The following PLCB1 variants were observed in gnomAD, a reference collection of about 807,000 sequenced individuals.
The protein encoded by PLCB1 is 1-phosphatidylinositol 4,5-bisphosphate phosphodiesterase beta-1.
Under a neutral mutation model 161.8 loss-of-function variants are expected in PLCB1, and 46 were observed. The ratio of observed to expected loss-of-function variants is 0.28; its 90% CI spans 0.22 to 0.36. The LOEUF is 0.36. PLCB1 is among the 10% of genes least tolerant of loss of function. The pLI is 1.00. For missense variants in PLCB1, 1,016 were observed against 1,472.5 expected, an observed-to-expected ratio of 0.69 and a Z score of 5.07; for synonymous variants, 517 against 503.7, an observed-to-expected ratio of 1.03 and a Z score of -0.35.
At chr20:8,539,641 T>TTTCTTTCTTTCTTTCC (rs1985208902) in intron 3 of PLCB1, among the ~76,000 whole-genome samples, 4 of 51,150 alleles carry the variant, frequency 7.8e-5, no homozygotes, top group African/African-American at 2.6e-4. Context: ...TCTTTCTTTC[T>TTTCTTTCTTTCTTTCC]TTCTTTCTTT....
intron 2 of PLCB1, among the ~76,000 whole-genome samples, chr20:8,231,971 G>C (rs904486600): frequency 2.6e-4 from 39 of 152,096 alleles, no homozygotes; most frequent in African/African-American, 8.0e-4. Flanking sequence ...TTTTAGCTAT[G>C]GGTCAGAGTC....
chr20:8,782,543 C>A lies in PLCB1; in HGVS notation c.3112-5906C>A, dbSNP rs557136795. Among the ~76,000 whole-genome samples the A allele has an allele frequency of 2.6e-5, 4 of 152,224 alleles. No individual in the cohort carries two copies. In the East Asian group the frequency reaches 7.7e-4, roughly 29 times the overall value. On this transcript the variant is annotated intron_variant, in intron 27 of 31. Coordinates refer to ENST00000338037, the MANE Select transcript of PLCB1 (RefSeq NM_015192.4). ...AAGTAGCTGGGACTACAGGCACGCA[C>A]CACCATGCCCAGCTAATTTTCTCTA...
chr20:8,546,990 T>C (rs1397741099), intron 3 of PLCB1, among the ~76,000 whole-genome samples: 4 of 152,178 alleles, frequency 2.6e-5, no homozygotes, highest in Non-Finnish European at 4.4e-5. Flanking sequence ...CGCCTCTTAA[T>C]TGGAAATCAA....
intron 2 of PLCB1, among the ~76,000 whole-genome samples, chr20:8,298,999 T>C (rs962289601): frequency 9.8e-5 from 3 of 30,468 alleles, no homozygotes; most frequent in Non-Finnish European, 1.6e-4. Context: ...AACCAACTTA[T>C]AGGTAGGTAG....
intron 11 of PLCB1, among the ~76,000 whole-genome samples, chr20:8,706,817 G>T (rs2057144): frequency 0.98 from 148,528 of 152,272 alleles, 72,472 homozygotes; most frequent in East Asian, 1. Context: ...ATCAAGAATA[G>T]ATAACCATCA....
chr20:8,203,077 G>A (rs1382444483), intron 2 of PLCB1, among the ~76,000 whole-genome samples: 2 of 146,800 alleles, frequency 1.4e-5, no homozygotes, highest in Non-Finnish European at 3.0e-5. Flanking sequence ...AGTCATTCTG[G>A]GTTGTATGCA....
Position 8,629,951 on chromosome 20 carries a change from TTTTCTTTCTTTCTTCTTTC to T in PLCB1, c.384+1535_384+1553del, listed in dbSNP as rs1351853819. Among the ~76,000 whole-genome samples the T allele has an allele frequency of 2.3e-5, 3 of 131,860 alleles. 1 individual carries two copies. The highest frequency in any genetic ancestry group is 3.4e-5 in the African/African-American group (1 of 29,580). 86.5% of individuals were successfully genotyped at this position (131,860 alleles called of 152,430 possible). A position where few individuals can be genotyped will look rare whatever the true frequency, so the allele number is the denominator to read the frequency against. ...CTTCTTTCCTTTCTTTCTCTCTTTC[TTTTCTTTCTTTCTTCTTTC>T]TTTCTTTCTTTCTTTCTTTCTTTCT... On this transcript the variant is annotated intron_variant, in intron 4 of 31. Coordinates refer to ENST00000338037, the MANE Select transcript of PLCB1 (RefSeq NM_015192.4).
At chr20:8,812,516 A>C (rs1390915701) in intron 31 of PLCB1, among the ~76,000 whole-genome samples, 1 of 152,194 alleles carries the variant, frequency 6.6e-6, no homozygotes, top group Admixed American at 6.5e-5. Context: ...GCTGGACTCA[A>C]GTAATGAGTG....
intron 3 of PLCB1, among the ~76,000 whole-genome samples, chr20:8,470,282 C>T (rs1464939729): frequency 6.6e-6 from 1 of 152,092 alleles, no homozygotes; most frequent in African/African-American, 2.4e-5. Flanking sequence ...TTGGTATATA[C>T]CCAGGAGTAG....
At chr20:8,259,581 A>G (rs1478575618) in intron 2 of PLCB1, among the ~76,000 whole-genome samples, 1 of 152,024 alleles carries the variant, frequency 6.6e-6, no homozygotes, top group African/African-American at 2.4e-5. Context: ...ACACCACTGC[A>G]CTCCAGTCTG....
chr20:8,864,198 A>C (rs530878369), intron 31 of PLCB1, among the ~76,000 whole-genome samples: 1 of 152,332 alleles, frequency 6.6e-6, no homozygotes, highest in East Asian at 1.9e-4. Context: ...GATGAAGTTA[A>C]GTGGCAGTCG....
At chr20:8,210,524 A>T (rs917229072) in intron 2 of PLCB1, among the ~76,000 whole-genome samples, 1 of 152,104 alleles carries the variant, frequency 6.6e-6, no homozygotes, top group Admixed American at 6.6e-5. Flanking sequence ...TACTTTCTCA[A>T]TTTGGGGCAA....
intron 3 of PLCB1, among the ~76,000 whole-genome samples, chr20:8,463,310 T>C (rs1016272678): frequency 2.6e-5 from 4 of 152,086 alleles, no homozygotes; most frequent in Non-Finnish European, 4.4e-5. Flanking sequence ...CTTAGAGACC[T>C]TCTGTGTACC....
chr20:8,261,537 C>T (rs775051359), intron 2 of PLCB1, among the ~76,000 whole-genome samples: 10 of 152,088 alleles, frequency 6.6e-5, no homozygotes, highest in African/African-American at 1.7e-4. Flanking sequence ...GAAGCTTTAA[C>T]GTGAAATGAA....
intron 23 of PLCB1, among the ~76,000 whole-genome samples, chr20:8,752,666 G>T (rs1981541344): frequency 6.6e-6 from 1 of 151,912 alleles, no homozygotes. Flanking sequence ...GGTGGTGCAT[G>T]CCTGTAATTC....
rs115281758 is a variant in PLCB1 at position 8,275,903 on chromosome 20, A to G, written c.178-95479A>G. On this transcript the variant is annotated intron_variant, in intron 2 of 31. Transcript: ENST00000338037. ...ATCTTTTGTCAGTGTCAAGGGTATT[A>G]TATTTTTTCCTTTTTTTTTTTCATC... Among the ~76,000 whole-genome samples the G allele has an allele frequency of 6.0e-3, 908 of 151,524 alleles. 10 individuals are homozygous for G. Among genetic ancestry groups the G allele is most frequent in the African/African-American group, 0.02 (807 of 41,236 alleles).
In PLCB1 at chr20:8,658,072, G is replaced by T. The variant is rs59016837; in HGVS notation, c.696-466G>T. On this transcript the variant is annotated intron_variant, in intron 8 of 31. Transcript: ENST00000338037. ...TGGGAAGTTTGAACAATATGTTGAGGAATTATACTCTCTTGTTGAAGCCTA... is the reference window on the plus strand; with the variant it reads ...TGGGAAGTTTGAACAATATGTTGAGTAATTATACTCTCTTGTTGAAGCCTA... Among the ~76,000 whole-genome samples, 1,023 of 152,176 alleles carry T rather than the reference G, an allele frequency of 6.7e-3. 15 individuals carry two copies. The highest frequency in any genetic ancestry group is 0.023 in the African/African-American group (975 of 41,520).
intron 2 of PLCB1, chr20:8,249,743 G>T (rs1429775699): frequency 6.6e-6 from 1 of 151,948 alleles, no homozygotes; most frequent in African/African-American, 2.4e-5. Flanking sequence ...AAGCAGCAAA[G>T]ATGAGACAGT....
At chr20:8,372,234 C>T (rs1986925804) in intron 3 of PLCB1, 1 of 152,104 alleles carries the variant, frequency 6.6e-6, no homozygotes, top group African/African-American at 2.4e-5. Flanking sequence ...TCTTTCCATA[C>T]TTGATATAAA....
Sources: allele counts gnomAD v4.1 joint callset (sites outside exome capture counted in the v4.1 genomes callset), GRCh38; gene constraint gnomAD v4.1.1; transcripts MANE v1.5; gene names NCBI Gene and HGNC (gene_info 2026-07-23, HGNC 2026-07-21).